Variants in SF3B2 observed in about 807,000 individuals in gnomAD.
SF3B2 encodes SAP 145.
Under a neutral mutation model 116.3 loss-of-function variants are expected in SF3B2, and 22 were observed. The observed-to-expected ratio is 0.19, with a 90% confidence interval of 0.14 to 0.27. SF3B2 has a LOEUF of 0.27. Ranked by LOEUF, SF3B2 falls within the 10% of genes least tolerant of loss-of-function variation. The probability of loss-of-function intolerance (pLI) is 1.00; values close to 1 mark genes in which losing one functional copy is unlikely to be tolerated. For missense variants in SF3B2, 767 were observed against 1,151.4 expected (o/e 0.67, Z 4.83); for synonymous variants, 406 against 421.6 (o/e 0.96, Z 0.45).
intron 16 of SF3B2, 39 bp downstream of exon 16, chr11:66,062,037 C>A: frequency 6.9e-7 from 1 of 1,443,562 alleles, no homozygotes; most frequent in Non-Finnish European, 9.6e-7. Flanking sequence ...GCCATTTCTG[C>A]TTTTGAACTG....
At chr11:66,058,734 T>C (rs1857046367) in intron 9 of SF3B2, 96 bp from the exon 10 acceptor site, 1 of 1,083,706 alleles carries the variant, frequency 9.2e-7, no homozygotes, top group Non-Finnish European at 1.3e-6. Flanking sequence ...GCCTGACTGT[T>C]GAACTGTGGG....
chr11:66,064,798 A>G (rs906515977), intron 19 of SF3B2: 1 of 152,196 alleles, frequency 6.6e-6, no homozygotes, highest in Non-Finnish European at 1.5e-5. Context: ...CCTGGGCAAC[A>G]TAGTGAGACC....
In SF3B2 at chr11:66,059,293, AGAG is replaced by A; in HGVS notation, c.1279_1281del (p.Glu427del). 1 of 1,614,040 alleles carries A rather than the reference AGAG, an allele frequency of 6.2e-7. No homozygotes were observed. The highest frequency in any genetic ancestry group is 2.2e-5 in the East Asian group (1 of 44,848). On this transcript the variant is annotated inframe_deletion, in exon 11 of 22. Coordinates refer to ENST00000322535, the MANE Select transcript of SF3B2 (RefSeq NM_006842.3). The surrounding 1 kb of genome is among the most constrained non-coding windows in gnomAD (Gnocchi z 5.0). ...CAGCCCCCAAGAAGAAGGGATTTGAAGAGGAGCACAAGGACAGTGATGATGACA... is the reference window on the plus strand; with the variant it reads ...CAGCCCCCAAGAAGAAGGGATTTGAAGAGCACAAGGACAGTGATGATGACA...
Position 66,068,263 on chromosome 11 carries a change from G to A in SF3B2, c.2546G>A (p.Arg849Gln). ...AMTQKYEEHV[R>Q]EQQAQVEKED... ...ACCCAGAAGTATGAGGAGCATGTGC[G>A]GGAGCAGCAGGCTCAAGTAGAGAAG... Residue 849 changes from arginine to glutamine, a missense_variant, in exon 21 of 22, where the codon CGG becomes CAG. Transcript: ENST00000322535. 1 of 1,613,982 alleles carries A rather than the reference G, an allele frequency of 6.2e-7. No individual in the cohort carries two copies. Among genetic ancestry groups the A allele is most frequent in the Non-Finnish European group, 8.5e-7 (1 of 1,180,014 alleles).
At chr11:66,062,800 C>T (rs1440642628) in intron 16 of SF3B2, among the ~76,000 whole-genome samples, 1 of 152,314 alleles carries the variant, frequency 6.6e-6, no homozygotes, top group South Asian at 2.1e-4. Context: ...ATACTTTCTG[C>T]CTCCTGTCTC....
chr11:66,065,350 AC>A (rs1258446806), intron 19 of SF3B2: 1 of 152,168 alleles, frequency 6.6e-6, no homozygotes, highest in Non-Finnish European at 1.5e-5. Flanking sequence ...TGTCATTCTT[AC>A]CTTTGTTCCT....
intron 7 of SF3B2, 151 bp downstream of exon 7, chr11:66,057,526 G>A (rs756693190): frequency 7.9e-5 from 49 of 621,740 alleles, no homozygotes; most frequent in Non-Finnish European, 1.3e-4. Context: ...CTAAGGGTAT[G>A]GCAGAGGGAC....
chr11:66,061,221 C>CT (rs1373225336), intron 14 of SF3B2, among the ~76,000 whole-genome samples: 1 of 152,212 alleles, frequency 6.6e-6, no homozygotes, highest in Admixed American at 6.5e-5. Context: ...CTGGTGGCTT[C>CT]TTTCCCTGAT....
chr11:66,059,142 G>C lies in SF3B2; in HGVS notation c.1183-59G>C, dbSNP rs149179847. ...GGTGAACAGGCATCTTTTAGTGCTG[G>C]CCTTAGGAACTGGGAAGGGGCTCAG... is the stretch of plus-strand genomic sequence containing the variant. On this transcript the variant is annotated intron_variant, in intron 10 of 21. Coordinates refer to ENST00000322535, the MANE Select transcript of SF3B2 (RefSeq NM_006842.3). The surrounding 1 kb of genome is among the most constrained non-coding windows in gnomAD (Gnocchi z 5.0). 1.2e-6 allele frequency: 2 copies of C among 1,612,070 alleles called. No homozygotes were observed. The highest frequency in any genetic ancestry group is 1.7e-5 in the Admixed American group (1 of 59,800).
At chr11:66,062,372 A>G (rs911316871) in intron 16 of SF3B2, among the ~76,000 whole-genome samples, 5 of 152,002 alleles carry the variant, frequency 3.3e-5, no homozygotes, top group African/African-American at 1.2e-4. Context: ...GTGGTGTCTC[A>G]ACACCTGTAA....
rs1462107007 is a variant in SF3B2 at position 66,059,299 on chromosome 11, G to A, written c.1281G>A (p.Glu427=). ...AAPKKKGFEE[E]HKDSDDDSSD... The stretch of plus-strand genomic sequence containing the variant: ...CCAAGAAGAAGGGATTTGAAGAGGA[G>A]CACAAGGACAGTGATGATGACAGCA... Residue 427 remains glutamate (E), a synonymous_variant, in exon 11 of 22, where the codon GAG becomes GAA. Coordinates refer to ENST00000322535, the MANE Select transcript of SF3B2 (RefSeq NM_006842.3). The surrounding 1 kb of genome is among the most constrained non-coding windows in gnomAD (Gnocchi z 5.0). 1.2e-6 allele frequency: 2 copies of A among 1,614,056 alleles called. No individual in the cohort carries two copies. The highest frequency in any genetic ancestry group is 1.1e-5 in the South Asian group (1 of 91,062).
Position 66,052,965 on chromosome 11 carries a change from G to T in SF3B2, c.181-62G>T. The T allele has an allele frequency of 1.3e-6, 2 of 1,520,228 alleles. 1 individual carries two copies. The highest frequency in any genetic ancestry group is 2.2e-5 in the South Asian group (2 of 89,232). 94.2% of individuals were successfully genotyped at this position (1,520,228 alleles called of 1,614,324 possible). ...GTACGTTTTGTTGAATGAATTGGGA[G>T]CGAACGTCGTTTAGTGAAACAGCTA... On this transcript the variant is annotated intron_variant, in intron 2 of 21. Transcript: ENST00000322535.
At chr11:66,062,614 A>G (rs1458946555) in intron 16 of SF3B2, among the ~76,000 whole-genome samples, 1 of 152,240 alleles carries the variant, frequency 6.6e-6, no homozygotes, top group Non-Finnish European at 1.5e-5. Context: ...TCATTAAAGT[A>G]AAACAGTAGT....
At chr11:66,056,485 G>C (rs921095087) in intron 5 of SF3B2, among the ~76,000 whole-genome samples, 1 of 151,896 alleles carries the variant, frequency 6.6e-6, no homozygotes, top group South Asian at 2.1e-4. Context: ...ATCTTGAGGG[G>C]TGGATATAAG....
chr11:66,056,887 G>T lies in SF3B2; in HGVS notation c.599G>T (p.Gly200Val). ...QERQQEIAKM[G>V]TPVPRPPQDM... Reference sequence around the variant, plus strand: ...CGACAGCAGGAGATTGCCAAGATGGGCACCCCAGTCCCTCGGCCCCCACAA... The same window carrying T: ...CGACAGCAGGAGATTGCCAAGATGGTCACCCCAGTCCCTCGGCCCCCACAA... Residue 200 changes from glycine to valine, a missense_variant, in exon 6 of 22, where the codon GGC (glycine) becomes GTC (valine). Gly to Val is a moderately radical substitution (Grantham distance 109). Around this residue, in one of 4 missense-constraint regions of SF3B2, gnomAD observed 455 missense variants for 537.5 expected, o/e 0.85. Transcript: ENST00000322535. 1.2e-6 allele frequency: 2 copies of T among 1,614,138 alleles called. No individual in the cohort carries two copies. The highest frequency in any genetic ancestry group is 1.1e-5 in the South Asian group (1 of 91,082).
chr11:66,062,600 TGA>T (rs1857118093), intron 16 of SF3B2, among the ~76,000 whole-genome samples: 1 of 152,298 alleles, frequency 6.6e-6, no homozygotes, highest in South Asian at 2.1e-4. Context: ...AAAAAATTGA[TGA>T]GTCATTAAAG....
intron 18 of SF3B2, 38 bp from the exon 19 acceptor site, chr11:66,063,589 TC>T (rs755139891): frequency 6.2e-7 from 1 of 1,610,366 alleles, no homozygotes; most frequent in South Asian, 1.1e-5. Context: ...ATCTTTGGGG[TC>T]CTTCTCTTTA....
Position 66,061,697 on chromosome 11 carries a change from C to A in SF3B2, c.1791C>A (p.Phe597Leu). 6.2e-7 allele frequency: 1 copy of A among 1,613,882 alleles called. No homozygotes were observed. The highest frequency in any genetic ancestry group is 8.5e-7 in the Non-Finnish European group (1 of 1,179,842). The change falls in exon 15 of 22, where the codon TTC becomes TTA. Residue 597 changes from phenylalanine (F) to leucine (L), a missense_variant. By Grantham distance (22) the Phe-to-Leu change is conservative. Around this residue, in one of 4 missense-constraint regions of SF3B2, gnomAD observed 282 missense variants for 568.0 expected, o/e 0.50. Transcript: ENST00000322535. Reference sequence around the variant, plus strand: ...TGCTTTTCCCTCAGGGGAAGGAGTTCGAGACACGACTGAAGGAGAAGAAGC... The same window carrying A: ...TGCTTTTCCCTCAGGGGAAGGAGTTAGAGACACGACTGAAGGAGAAGAAGC... ...HGDLYYEGKEFETRLKEKKPG... is the reference protein window; with the variant it reads ...HGDLYYEGKELETRLKEKKPG...
intron 19 of SF3B2, chr11:66,065,865 AT>A (rs1367455751): frequency 1.3e-5 from 2 of 151,988 alleles, no homozygotes; most frequent in Non-Finnish European, 2.9e-5. Flanking sequence ...ACAATATTTT[AT>A]TTTTATGTTA....
Sources: gnomAD v4.1 joint callset for allele counts (sites outside exome capture counted in the v4.1 genomes callset) on GRCh38, gnomAD v4.1.1 for gene constraint, gnomAD v4.1.1 regional missense constraint, Gnocchi (gnomAD v3.1) non-coding constraint, MANE v1.5 for transcripts, NCBI Gene and HGNC (gene_info 2026-07-23, HGNC 2026-07-21) for gene names.